The following KIF5B variants were observed in gnomAD, a reference collection of about 807,000 sequenced individuals.
KIF5B encodes kinesin family member 5B, also known as kinesin-1 heavy chain.
KIF5B carries 49 observed loss-of-function variants against 132.8 expected under a neutral mutation model. That is an observed-to-expected ratio of 0.37 (90% CI 0.29 to 0.47). The LOEUF is 0.47. Among genes scored for constraint, KIF5B ranks in the 20% least tolerant of loss-of-function variants. KIF5B has a pLI of 1.00. For missense variants in KIF5B, 780 were observed against 1,144.0 expected (o/e 0.68, Z 4.59); for synonymous variants, 355 against 369.4 (o/e 0.96, Z 0.45).
chr10:32,020,095 G>C, intron 19 of KIF5B, 136 bp from the exon 20 acceptor site: 1 of 574,556 alleles, frequency 1.7e-6, no homozygotes, highest in Non-Finnish European at 3.0e-6. Flanking sequence ...TGGAGGAAAA[G>C]AGGAAAGGGA....
intron 25 of KIF5B, among the ~76,000 whole-genome samples, chr10:32,012,937 T>TAA (rs1174360497): frequency 6.6e-6 from 1 of 151,344 alleles, no homozygotes; most frequent in Non-Finnish European, 1.5e-5. Context: ...GTTTTGCTCT[T>TAA]GTTGCCCAGG....
chr10:32,055,735 G>A (rs1304145683), intron 1 of KIF5B, 113 bp downstream of exon 1: 5 of 1,396,346 alleles, frequency 3.6e-6, no homozygotes, highest in Middle Eastern at 2.1e-4. Context: ...CCGCCGGGGA[G>A]GGCTGGGGAC....
chr10:32,036,897 T>C (rs1274440021), intron 8 of KIF5B, among the ~76,000 whole-genome samples: 1 of 151,634 alleles, frequency 6.6e-6, no homozygotes, highest in African/African-American at 2.4e-5. Flanking sequence ...TAATCGAGAG[T>C]TACCAGTTTT....
Position 32,056,226 on chromosome 10 carries a change from G to C in KIF5B, c.-253C>G, listed in dbSNP as rs536924352. 900 of 470,000 alleles carry C rather than the reference G, an allele frequency of 1.9e-3. 3 individuals carry two copies. Among genetic ancestry groups the C allele is most frequent in the Non-Finnish European group, 2.3e-3 (618 of 267,920 alleles). 29.1% of individuals were successfully genotyped at this position (470,000 alleles called of 1,614,324 possible). A position where few individuals can be genotyped will look rare whatever the true frequency, so the allele number is the denominator to read the frequency against. On this transcript the variant is annotated 5_prime_UTR_variant, in exon 1 of 26. Transcript: ENST00000302418. ...GGCGGCGGCAGCGGCGGCGGCACCGGGGAGAGCGTCCGCGGCTCCTCAGCG... is the reference window on the plus strand; with the variant it reads ...GGCGGCGGCAGCGGCGGCGGCACCGCGGAGAGCGTCCGCGGCTCCTCAGCG...
chr10:32,029,251 G>A (rs1020889981), intron 14 of KIF5B, among the ~76,000 whole-genome samples: 1 of 152,124 alleles, frequency 6.6e-6, no homozygotes, highest in Non-Finnish European at 1.5e-5. Context: ...CGAAAATCTG[G>A]GACTTTTTGA....
chr10:32,026,310 C>T (rs183234780), intron 15 of KIF5B, among the ~76,000 whole-genome samples: 2 of 151,590 alleles, frequency 1.3e-5, no homozygotes, highest in Non-Finnish European at 2.9e-5. Context: ...TGGTGGCACA[C>T]GCCTGTAATC....
intron 1 of KIF5B, among the ~76,000 whole-genome samples, chr10:32,053,542 T>C (rs557999409): frequency 6.6e-6 from 1 of 151,486 alleles, no homozygotes; most frequent in Admixed American, 6.6e-5. Context: ...CTAGCCAACA[T>C]GGTGAAACCC....
intron 10 of KIF5B, 40 bp downstream of exon 10, chr10:32,035,482 T>C (rs775463453): frequency 1.5e-5 from 24 of 1,550,526 alleles, no homozygotes; most frequent in Non-Finnish European, 2.0e-5. Flanking sequence ...AAACAAAAGG[T>C]CTATCTAAAT....
At chr10:32,034,286 G>A (rs1460144504) in intron 11 of KIF5B, among the ~76,000 whole-genome samples, 2 of 151,776 alleles carry the variant, frequency 1.3e-5, no homozygotes, top group Non-Finnish European at 2.9e-5. Flanking sequence ...TAATTTTGGT[G>A]TTTTCAGTAG....
chr10:32,039,151 T>C (rs1203187830), intron 4 of KIF5B, among the ~76,000 whole-genome samples, 176 bp downstream of exon 4: 5 of 152,194 alleles, frequency 3.3e-5, no homozygotes, highest in Admixed American at 3.3e-4. Context: ...TTAGTTAACA[T>C]TCCTGTTCAT....
At chr10:32,022,064 G>T in intron 17 of KIF5B, 76 bp downstream of exon 17, 1 of 703,260 alleles carries the variant, frequency 1.4e-6, no homozygotes, top group Non-Finnish European at 2.5e-6. Flanking sequence ...ATTTCTTTCA[G>T]TGTGAATATT....
intron 2 of KIF5B, among the ~76,000 whole-genome samples, chr10:32,042,651 T>G (rs117140255): frequency 2.4e-4 from 37 of 152,326 alleles, no homozygotes; most frequent in South Asian, 8.3e-4. Context: ...GTACAGCATC[T>G]TTCTAAAGCC....
rs556678711 is a variant in KIF5B at position 32,039,140 on chromosome 10, G to A, written c.393+187C>T. 2.0e-5 allele frequency among the ~76,000 whole-genome samples: 3 copies of A among 152,170 alleles called. No individual in the cohort carries two copies. In the South Asian group the frequency reaches 6.2e-4, roughly 32 times the overall value. On this transcript the variant is annotated intron_variant, in intron 4 of 25. Transcript: ENST00000302418. ...GGAGGCTAAAGACTTAATCATTTAC[G>A]TTAGTTAACATTCCTGTTCATCTAA...
intron 13 of KIF5B, among the ~76,000 whole-genome samples, chr10:32,032,237 A>G (rs1253662791): frequency 6.6e-6 from 1 of 152,170 alleles, no homozygotes; most frequent in Non-Finnish European, 1.5e-5. Flanking sequence ...CCAATGCAAA[A>G]TATCAATAGT....
chr10:32,056,143 A>T lies in KIF5B; in HGVS notation c.-170T>A. On this transcript the variant is annotated 5_prime_UTR_variant, in exon 1 of 26. Coordinates refer to ENST00000302418, the MANE Select transcript of KIF5B (RefSeq NM_004521.3). The stretch of plus-strand genomic sequence containing the variant: ...GCGGCCGGGGAGCCGGGACTTGAAG[A>T]GCCGGCGCCGGCAGCCGTTAACCCT... The T allele has an allele frequency of 1.4e-6, 1 of 704,808 alleles. No homozygotes were observed. The highest frequency in any genetic ancestry group is 2.3e-6 in the Non-Finnish European group (1 of 443,094). 43.7% of individuals were successfully genotyped at this position (704,808 alleles called of 1,614,324 possible).
At chr10:32,039,579 C>A in intron 3 of KIF5B, 148 bp from the exon 4 acceptor site, 1 of 555,824 alleles carries the variant, frequency 1.8e-6, no homozygotes, top group Non-Finnish European at 3.2e-6. Flanking sequence ...AAATCCAATT[C>A]AACTATTACA....
intron 1 of KIF5B, among the ~76,000 whole-genome samples, chr10:32,048,980 C>T (rs1021726452): frequency 1.3e-5 from 2 of 152,016 alleles, no homozygotes; most frequent in African/African-American, 4.8e-5. Flanking sequence ...GAAATCCTCC[C>T]ACCTTAGCCT....
intron 1 of KIF5B, among the ~76,000 whole-genome samples, chr10:32,055,544 A>G (rs2132622281): frequency 6.6e-6 from 1 of 151,344 alleles, no homozygotes; most frequent in Middle Eastern, 3.4e-3. Flanking sequence ...ACACACACGC[A>G]GACAAACGTG....
At chr10:32,021,807 C>T (rs1164469391) in intron 17 of KIF5B, among the ~76,000 whole-genome samples, 1 of 151,928 alleles carries the variant, frequency 6.6e-6, no homozygotes, top group South Asian at 2.1e-4. Context: ...CCTGTCTCTA[C>T]AAAAAAGGTA....
Sources: gnomAD v4.1 joint callset for allele counts (sites outside exome capture counted in the v4.1 genomes callset) on GRCh38, gnomAD v4.1.1 for gene constraint, MANE v1.5 for transcripts, NCBI Gene and HGNC (gene_info 2026-07-23, HGNC 2026-07-21) for gene names.